PCDH11X: variants seen among roughly 807,000 people sequenced by gnomAD.
PCDH11X encodes the protein protocadherin 11 X-linked, also known as protocadherin-11 X-linked.
Under a neutral mutation model 53.3 loss-of-function variants are expected in PCDH11X, and 18 were observed. The observed-to-expected ratio is 0.34, with a 90% CI of 0.23 to 0.50. The LOEUF (loss-of-function observed/expected upper bound fraction) is 0.50. Among genes scored for constraint, PCDH11X ranks in the 20% least tolerant of loss-of-function variants. The pLI is 0.98. For synonymous variants in PCDH11X, 279 were observed against 393.3 expected (o/e 0.71, Z 3.44); for missense variants, 570 against 1,032.4 (o/e 0.55, Z 6.14).
chrX:92,411,227 C>T (rs1366719782), intron 9 of PCDH11X, among the ~76,000 whole-genome samples: 1 of 110,045 alleles, frequency 9.1e-6, no homozygotes, highest in Non-Finnish European at 1.9e-5. Flanking sequence ...TTATATTTCC[C>T]CTTAGGTTGA....
At chrX:91,839,773 G>GA (rs999034281) in intron 5 of PCDH11X, among the ~76,000 whole-genome samples, 1 of 110,240 alleles carries the variant, frequency 9.1e-6, no homozygotes, top group African/African-American at 3.3e-5. Context: ...ACTCTTTAAA[G>GA]AAAAAAAATC....
At chrX:92,494,541 T>A (rs1387292849) in intron 10 of PCDH11X, among the ~76,000 whole-genome samples, 1 of 111,784 alleles carries the variant, frequency 8.9e-6, no homozygotes, top group Non-Finnish European at 1.9e-5. Context: ...AGGCTGATAT[T>A]TGATTTTCTT....
chrX:92,357,870 A>T (rs1315269973), intron 8 of PCDH11X, among the ~76,000 whole-genome samples: 1 of 111,273 alleles, frequency 9.0e-6, no homozygotes, highest in Admixed American at 9.6e-5. Flanking sequence ...TTGAAAGTTA[A>T]TTTTTTAGGA....
chrX:92,148,073 T>TCC (rs2065338814), intron 6 of PCDH11X, among the ~76,000 whole-genome samples: 1 of 10,276 alleles, frequency 9.7e-5, no homozygotes, highest in African/African-American at 4.7e-4. Context: ...TTTCTTTCTT[T>TCC]CTTTCTTTCT....
intron 5 of PCDH11X, among the ~76,000 whole-genome samples, chrX:91,866,736 G>C (rs766930363): frequency 1.4e-3 from 151 of 111,051 alleles, no homozygotes; most frequent in Non-Finnish European, 2.3e-3. Context: ...TCCTATGAAG[G>C]TGTTTTTTCT....
intron 6 of PCDH11X, among the ~76,000 whole-genome samples, chrX:91,931,379 G>A (rs1215557577): frequency 1.8e-5 from 2 of 110,772 alleles, no homozygotes; most frequent in Non-Finnish European, 3.8e-5. Flanking sequence ...TGAGTAATTG[G>A]TATTAACCTA....
chrX:92,501,613 C>T (rs765369496), intron 10 of PCDH11X, among the ~76,000 whole-genome samples: 2 of 111,126 alleles, frequency 1.8e-5, no homozygotes, highest in African/African-American at 6.5e-5. Flanking sequence ...CATAAACAGA[C>T]AAAAACCACA....
intron 10 of PCDH11X, among the ~76,000 whole-genome samples, chrX:92,616,330 T>C (rs1927961291): frequency 1.5e-5 from 1 of 68,740 alleles, no homozygotes; most frequent in African/African-American, 5.5e-5. Context: ...ACAAAGATTT[T>C]CTCCAATATT....
chrX:92,147,073 T>A (rs1459824857), intron 6 of PCDH11X, among the ~76,000 whole-genome samples: 2 of 109,881 alleles, frequency 1.8e-5, no homozygotes, highest in African/African-American at 6.8e-5. Flanking sequence ...ACATTTTTAT[T>A]TATCTTAAAT....
intron 6 of PCDH11X, among the ~76,000 whole-genome samples, chrX:91,963,663 A>G (rs1286249928): frequency 9.0e-6 from 1 of 111,363 alleles, no homozygotes; most frequent in African/African-American, 3.3e-5. Flanking sequence ...TTTTTACAGT[A>G]GCACCCCACT....
intron 7 of PCDH11X, among the ~76,000 whole-genome samples, chrX:92,252,029 A>G (rs774436691): frequency 9.0e-6 from 1 of 111,562 alleles, no homozygotes; most frequent in African/African-American, 3.2e-5. Context: ...GAGGTCATTT[A>G]CATTTTAGAA....
intron 8 of PCDH11X, among the ~76,000 whole-genome samples, chrX:92,350,260 A>G (rs1226244731): frequency 9.2e-6 from 1 of 108,571 alleles, no homozygotes; most frequent in Non-Finnish European, 1.9e-5. Flanking sequence ...GTTTGGATCT[A>G]TTGCTGGTGA....
intron 6 of PCDH11X, among the ~76,000 whole-genome samples, chrX:91,936,620 A>C (rs911442479): frequency 9.5e-6 from 1 of 105,615 alleles, no homozygotes; most frequent in African/African-American, 3.4e-5. Context: ...AATTTTTATC[A>C]TTTGCTATTA....
At chrX:92,243,961 A>G (rs957169355) in intron 7 of PCDH11X, among the ~76,000 whole-genome samples, 2 of 111,475 alleles carry the variant, frequency 1.8e-5, no homozygotes, top group East Asian at 5.7e-4. Flanking sequence ...GAGTTTAGAC[A>G]TATATCCAAA....
chrX:92,431,447 G>T (rs1479032923), intron 9 of PCDH11X, among the ~76,000 whole-genome samples: 1 of 110,394 alleles, frequency 9.1e-6, no homozygotes, highest in Non-Finnish European at 1.9e-5. Flanking sequence ...CTCAATTTTT[G>T]TTTTTGACAA....
chrX:91,965,182 G>A (rs1184378714), intron 6 of PCDH11X, among the ~76,000 whole-genome samples: 1 of 110,544 alleles, frequency 9.0e-6, no homozygotes, highest in Non-Finnish European at 1.9e-5. Flanking sequence ...TATAATGGAA[G>A]TGGGAGATAA....
rs751673348 is a variant in PCDH11X, at chrX:92,156,685, G to C, written c.3034-44690G>C. Among the ~76,000 whole-genome samples, 169 of 111,982 alleles carry C rather than the reference G, an allele frequency of 1.5e-3. 1 individual carries two copies. The highest frequency in any genetic ancestry group is 2.2e-3 in the Non-Finnish European group (119 of 53,189). On this transcript the variant is annotated intron_variant, in intron 6 of 10. Coordinates refer to ENST00000682573, the MANE Select transcript of PCDH11X (RefSeq NM_032968.5). ...AATGAAGGAATGTAACTTATACCCC[G>C]TTCTTACAATTCTAGCATATTAGAG...
intron 5 of PCDH11X, among the ~76,000 whole-genome samples, chrX:91,875,616 C>T (rs191005926): frequency 9.1e-6 from 1 of 110,108 alleles, no homozygotes; most frequent in Admixed American, 9.6e-5. Context: ...TAAATATTCC[C>T]ATACTGTGAC....
chrX:92,041,404 C>T (rs1232597972), intron 6 of PCDH11X, among the ~76,000 whole-genome samples: 4 of 111,689 alleles, frequency 3.6e-5, no homozygotes, highest in Admixed American at 9.6e-5. Context: ...AGTCTTGATA[C>T]TTTGCTCACA....
Sources: gnomAD v4.1 joint callset for allele counts (sites outside exome capture counted in the v4.1 genomes callset) on GRCh38, gnomAD v4.1.1 for gene constraint, MANE v1.5 for transcripts, NCBI Gene and HGNC (gene_info 2026-07-23, HGNC 2026-07-21) for gene names.